Variants in UNC13C observed in about 807,000 individuals in gnomAD.
The protein encoded by UNC13C is protein unc-13 homolog C.
UNC13C carries 174 observed loss-of-function variants against 245.4 expected under a neutral mutation model. The ratio of observed to expected loss-of-function variants is 0.71; its 90% CI spans 0.63 to 0.80. The LOEUF (loss-of-function observed/expected upper bound fraction) is 0.80. Among genes scored for constraint, UNC13C ranks in the 30% least tolerant of loss-of-function variants. UNC13C has a pLI of 0.00. For synonymous variants in UNC13C, 992 were observed against 895.1 expected (o/e 1.11, Z -1.93); for missense variants, 2,829 against 2,602.9 (o/e 1.09, Z -1.89).
At chr15:54,548,535 A>G (rs1370085162) in intron 27 of UNC13C, among the ~76,000 whole-genome samples, 1 of 151,996 alleles carries the variant, frequency 6.6e-6, no homozygotes, top group Non-Finnish European at 1.5e-5. Context: ...TATGGTTTTG[A>G]TTGTTCTTCA....
At chr15:54,467,637 T>A (rs1218390444) in intron 19 of UNC13C, among the ~76,000 whole-genome samples, 1 of 151,720 alleles carries the variant, frequency 6.6e-6, no homozygotes, top group Non-Finnish European at 1.5e-5. Flanking sequence ...CCATCTACCC[T>A]GCTCTCCCAT....
At chr15:54,133,426 G>GT (rs999675408) in intron 2 of UNC13C, among the ~76,000 whole-genome samples, 2 of 152,074 alleles carry the variant, frequency 1.3e-5, no homozygotes, top group African/African-American at 4.8e-5. Context: ...TATTTTATCA[G>GT]TTTTTTTATT....
the UNC13C span, among the ~76,000 whole-genome samples, chr15:53,866,659 C>T: frequency 6.6e-6 from 1 of 152,144 alleles, no homozygotes; most frequent in African/African-American, 2.4e-5. Context: ...CCAATCCAAT[C>T]GAATCTTCGA....
intron 17 of UNC13C, among the ~76,000 whole-genome samples, chr15:54,343,113 G>A (rs748193108): frequency 1.0e-4 from 15 of 149,890 alleles, no homozygotes; most frequent in Admixed American, 5.3e-4. Context: ...ACTTTTTATT[G>A]TACCATGTAA....
intron 17 of UNC13C, among the ~76,000 whole-genome samples, chr15:54,369,930 G>A (rs774665232): frequency 2.0e-5 from 3 of 151,954 alleles, no homozygotes; most frequent in East Asian, 1.9e-4. Flanking sequence ...AGGGATCCTC[G>A]GTTTCCTCTT....
At chr15:53,893,482 C>T in the UNC13C span, among the ~76,000 whole-genome samples, 2 of 152,196 alleles carry the variant, frequency 1.3e-5, no homozygotes, top group Non-Finnish European at 2.9e-5. Context: ...GTGCTCTGTT[C>T]CAGGGAGATG....
At chr15:54,340,475 T>C (rs565148743) in intron 17 of UNC13C, among the ~76,000 whole-genome samples, 2 of 152,314 alleles carry the variant, frequency 1.3e-5, no homozygotes, top group East Asian at 3.9e-4. Context: ...AGATGAGAGA[T>C]GAAGATCCAG....
intron 25 of UNC13C, among the ~76,000 whole-genome samples, chr15:54,527,228 C>G (rs1000626498): frequency 6.6e-6 from 1 of 152,154 alleles, no homozygotes; most frequent in African/African-American, 2.4e-5. Flanking sequence ...GGTTCATTGG[C>G]TCTGACTTGG....
At chr15:54,026,184 G>C (rs974165730) in intron 2 of UNC13C, among the ~76,000 whole-genome samples, 1 of 152,114 alleles carries the variant, frequency 6.6e-6, no homozygotes, top group African/African-American at 2.4e-5. Flanking sequence ...ATGCAAATGG[G>C]ATATTTTAAA....
chr15:54,105,251 A>G lies in UNC13C; in HGVS notation c.2984-37767A>G, dbSNP rs940107178. Among the ~76,000 whole-genome samples the G allele has an allele frequency of 9.2e-5, 14 of 152,264 alleles. No individual in the cohort carries two copies. The East Asian group carries it at 2.1e-3, about 23-fold the overall frequency. On this transcript the variant is annotated intron_variant, in intron 2 of 32. Coordinates refer to ENST00000260323, the MANE Select transcript of UNC13C (RefSeq NM_001080534.3). The stretch of plus-strand genomic sequence containing the variant: ...CTTGGGTATTCTTCCCGAGGCAGTA[A>G]CAGTCTAACTGCCCGTGATGGTGAA...
chr15:54,056,457 A>G (rs546786951), intron 2 of UNC13C, among the ~76,000 whole-genome samples: 1 of 152,238 alleles, frequency 6.6e-6, no homozygotes, highest in Admixed American at 6.5e-5. Flanking sequence ...ATATGGGACT[A>G]TGTGAAAAGA....
chr15:54,570,668 A>G lies in UNC13C; in HGVS notation c.6106+2721A>G, dbSNP rs1897714588. On this transcript the variant is annotated intron_variant, in intron 30 of 32. Transcript: ENST00000260323. ...ATAGACTGAGTAATAAAGTTAGCCA[A>G]CAATACACCCTTTGGAAAATTGTGA... Among the ~76,000 whole-genome samples, 4 of 152,232 alleles carry G rather than the reference A, an allele frequency of 2.6e-5. No individual in the cohort carries two copies. In the South Asian group the frequency reaches 8.3e-4, roughly 32 times the overall value.
At chr15:54,630,668 G>A (rs1474768608), downstream of UNC13C, 1 of 151,974 alleles carries the variant, frequency 6.6e-6, no homozygotes, top group East Asian at 1.9e-4. Context: ...TTATACTCAA[G>A]TCCTTTGTTT....
intron 10 of UNC13C, among the ~76,000 whole-genome samples, chr15:54,286,613 G>T (rs1472437440): frequency 1.3e-5 from 2 of 152,124 alleles, no homozygotes; most frequent in Admixed American, 1.3e-4. Context: ...AAAAAATTTT[G>T]CTTTAATGAT....
chr15:53,876,300 T>C, the UNC13C span, among the ~76,000 whole-genome samples: 3 of 152,186 alleles, frequency 2.0e-5, no homozygotes, highest in African/African-American at 4.8e-5. Context: ...ACTTCCATTA[T>C]ATTTCAGGGA....
rs191494179 is a variant in UNC13C, at chr15:54,512,641, C to T, written c.5457+811C>T. Among the ~76,000 whole-genome samples the T allele has an allele frequency of 2.5e-4, 38 of 152,222 alleles. No homozygotes were observed. In the East Asian group the frequency reaches 3.3e-3, roughly 13 times the overall value. On this transcript the variant is annotated intron_variant, in intron 24 of 32. Transcript: ENST00000260323. Reference sequence around the variant, plus strand: ...AGGGTTTCTCCCCATGCCCTTATTCCGCTGGAAACAATCTCAAGGGCAGCT... The same window carrying T: ...AGGGTTTCTCCCCATGCCCTTATTCTGCTGGAAACAATCTCAAGGGCAGCT...
intron 8 of UNC13C, among the ~76,000 whole-genome samples, chr15:54,259,020 T>C (rs2036353035): frequency 6.6e-6 from 1 of 152,204 alleles, no homozygotes; most frequent in African/African-American, 2.4e-5. Flanking sequence ...GAGGGCGATC[T>C]TCCAGGTTGC....
intron 28 of UNC13C, among the ~76,000 whole-genome samples, chr15:54,552,620 ATT>A (rs1896839943): frequency 2.7e-5 from 2 of 73,468 alleles, no homozygotes; most frequent in African/African-American, 6.6e-5. Flanking sequence ...ATATAATTAT[ATT>A]ATATATTGTA....
chr15:54,341,105 G>C (rs1312466477), intron 17 of UNC13C, among the ~76,000 whole-genome samples: 1 of 152,112 alleles, frequency 6.6e-6, no homozygotes, highest in Admixed American at 6.6e-5. Context: ...CCATTACTGA[G>C]AATCTATACA....
Sources: gnomAD v4.1 joint callset for allele counts (sites outside exome capture counted in the v4.1 genomes callset) on GRCh38, gnomAD v4.1.1 for gene constraint, MANE v1.5 for transcripts, NCBI Gene and HGNC (gene_info 2026-07-23, HGNC 2026-07-21) for gene names.